PIGH: variants seen among roughly 807,000 people sequenced by gnomAD.
PIGH encodes the protein phosphatidylinositol glycan anchor biosynthesis class H, also known as phosphatidylinositol N-acetylglucosaminyltransferase subunit H.
A neutral mutation model predicts 20.1 loss-of-function variants in PIGH; 11 were observed. The ratio of observed to expected loss-of-function variants is 0.55; its 90% confidence interval spans 0.34 to 0.91. The LOEUF (loss-of-function observed/expected upper bound fraction) is 0.91, where lower values mean the gene tolerates loss of function less well. Among genes scored for constraint, PIGH ranks in the 40% least tolerant of loss-of-function variants. PIGH has a pLI of 0.02. For missense variants in PIGH, 189 were observed against 233.6 expected (o/e 0.81, Z 1.24); for synonymous variants, 72 against 93.1 (o/e 0.77, Z 1.31).
chr14:67,596,878 T>G (rs1397661318), intron 1 of PIGH, among the ~76,000 whole-genome samples: 1 of 152,224 alleles, frequency 6.6e-6, no homozygotes, highest in African/African-American at 2.4e-5. Flanking sequence ...CTGAGGAAAT[T>G]TGGAAGTCTA....
intron 3 of PIGH, among the ~76,000 whole-genome samples, chr14:67,590,872 G>A (rs1037092009): frequency 1.3e-5 from 2 of 152,152 alleles, no homozygotes; most frequent in Non-Finnish European, 2.9e-5. Context: ...GAATAAGCAA[G>A]AGGAAAAACA....
At chr14:67,593,980 A>G (rs2036424436) in intron 1 of PIGH, 28 bp from the exon 2 acceptor site, 2 of 1,480,062 alleles carry the variant, frequency 1.4e-6, no homozygotes, top group African/African-American at 2.8e-5. Context: ...CACAGACAGT[A>G]AGATTACCAA....
Position 67,600,224 on chromosome 14 carries a change from C to CGCACCGCGCGGCGCT in PIGH, c.-36_-22dup, listed in dbSNP as rs1202827244. The CGCACCGCGCGGCGCT allele has an allele frequency of 1.5e-5, 23 of 1,547,682 alleles. No individual in the cohort carries two copies. The highest frequency in any genetic ancestry group is 1.9e-5 in the Non-Finnish European group (22 of 1,148,448). ...TCCATGACGCCCCCACTCGGCCGCC[C>CGCACCGCGCGGCGCT]GCACCGCGCGGCGCTGCACTGCGCT... On this transcript the variant is annotated 5_prime_UTR_variant, in exon 1 of 4. Coordinates refer to ENST00000216452, the MANE Select transcript of PIGH (RefSeq NM_004569.5).
Position 67,593,749 on chromosome 14 carries a change from A to G in PIGH, c.384T>C (p.Ile128=). The change falls in exon 2 of 4, where the codon ATT becomes ATC. Residue 128 remains isoleucine, a synonymous_variant. Coordinates refer to ENST00000216452, the MANE Select transcript of PIGH (RefSeq NM_004569.5). ...KVKDIVINEA[I]YMQKVIYYLC... is the part of the protein sequence containing the mutation. ...TTACCTTTTAAATACTTACCATGTAAATGGCCTCATTGATGACAATATCCT... is the reference window on the plus strand; with the variant it reads ...TTACCTTTTAAATACTTACCATGTAGATGGCCTCATTGATGACAATATCCT... 1 of 1,600,540 alleles carries G rather than the reference A, an allele frequency of 6.2e-7. No individual in the cohort carries two copies. The highest frequency in any genetic ancestry group is 8.6e-7 in the Non-Finnish European group (1 of 1,167,736).
In PIGH at chr14:67,589,425, C is replaced by CTGAT. The variant is rs533957302; in HGVS notation, c.*651_*654dup. 378 of 985,002 alleles carry CTGAT rather than the reference C, an allele frequency of 3.8e-4. No individual in the cohort carries two copies. The highest frequency in any genetic ancestry group is 4.4e-4 in the Non-Finnish European group (368 of 829,832). 61.0% of individuals were successfully genotyped at this position (985,002 alleles called of 1,614,324 possible). On this transcript the variant is annotated 3_prime_UTR_variant, in exon 4 of 4. Coordinates refer to ENST00000216452, the MANE Select transcript of PIGH (RefSeq NM_004569.5). The stretch of plus-strand genomic sequence containing the variant: ...CTTCTTGGCAAAAGTAGCTTTTGAA[C>CTGAT]TGATATAAAAAAAAATGCTGAGTAA...
intron 3 of PIGH, 133 bp downstream of exon 3, chr14:67,592,502 C>T (rs1043780158): frequency 1.7e-6 from 1 of 602,650 alleles, no homozygotes. Context: ...AGGAACTTCT[C>T]AAATAACTGA....
intron 1 of PIGH, among the ~76,000 whole-genome samples, chr14:67,594,946 G>A (rs1309293608): frequency 1.3e-5 from 2 of 151,992 alleles, no homozygotes; most frequent in African/African-American, 4.8e-5. Context: ...TCAGGAGATC[G>A]AGACCACGGT....
chr14:67,594,980 A>G (rs1483698962), intron 1 of PIGH, among the ~76,000 whole-genome samples: 1 of 151,832 alleles, frequency 6.6e-6, no homozygotes, highest in African/African-American at 2.4e-5. Flanking sequence ...TACTAAAAAT[A>G]CTAAAAGTTA....
At chr14:67,594,977 A>T (rs1490819561) in intron 1 of PIGH, among the ~76,000 whole-genome samples, 1 of 151,858 alleles carries the variant, frequency 6.6e-6, no homozygotes, top group Non-Finnish European at 1.5e-5. Flanking sequence ...CTCTACTAAA[A>T]ATACTAAAAG....
chr14:67,596,748 A>C (rs1011799139), intron 1 of PIGH, among the ~76,000 whole-genome samples: 2 of 152,140 alleles, frequency 1.3e-5, no homozygotes, highest in Admixed American at 1.3e-4. Flanking sequence ...GAATCCTGTC[A>C]AGTCAATTTA....
At position 67,600,230 on chromosome 14, in the gene PIGH, G is replaced by A. The variant is rs771253728; in HGVS notation, c.-27C>T. 2 of 1,535,566 alleles carry A rather than the reference G, an allele frequency of 1.3e-6. No individual in the cohort carries two copies. The highest frequency in any genetic ancestry group is 1.8e-6 in the Non-Finnish European group (2 of 1,141,742). On this transcript the variant is annotated 5_prime_UTR_variant, in exon 1 of 4. Transcript: ENST00000216452. ...ACGCCCCCACTCGGCCGCCCGCACC[G>A]CGCGGCGCTGCACTGCGCTCGCCGG...
intron 3 of PIGH, chr14:67,592,176 T>C (rs1392877802): frequency 2.3e-5 from 5 of 218,772 alleles, no homozygotes; most frequent in Non-Finnish European, 4.8e-5. Context: ...GGCTCATGCT[T>C]GTAATCCCAA....
chr14:67,592,781 TTTTCC>T (rs1400541180), intron 2 of PIGH, 63 bp from the exon 3 acceptor site: 1 of 1,010,382 alleles, frequency 9.9e-7, no homozygotes, highest in East Asian at 2.5e-5. Context: ...CTTTTTTTCT[TTTTCC>T]TTTATTTATT....
chr14:67,595,415 A>G (rs1043256289), intron 1 of PIGH, among the ~76,000 whole-genome samples: 1 of 152,240 alleles, frequency 6.6e-6, no homozygotes, highest in African/African-American at 2.4e-5. Flanking sequence ...ATCTGTATAT[A>G]GTGCAAAATC....
At position 67,590,041 on chromosome 14, in the gene PIGH, T is replaced by G. The variant is rs1158213528; in HGVS notation, c.*39A>C. 1 of 1,536,568 alleles carries G rather than the reference T, an allele frequency of 6.5e-7. No homozygotes were observed. The highest frequency in any genetic ancestry group is 1.2e-5 in the South Asian group (1 of 82,278). On this transcript the variant is annotated 3_prime_UTR_variant, in exon 4 of 4. Transcript: ENST00000216452. ...CAGCCCCTATGGCTTAAGAGTCATC[T>G]CCCATGGAAGACAATGCTGGCCTTC...
rs1379316819 is a variant in PIGH at position 67,589,575 on chromosome 14, A to G, written c.*505T>C. 1.0e-6 allele frequency: 1 copy of G among 985,342 alleles called. No individual in the cohort carries two copies. Among genetic ancestry groups the G allele is most frequent in the African/African-American group, 1.7e-5 (1 of 57,258 alleles). 61.0% of individuals were successfully genotyped at this position (985,342 alleles called of 1,614,324 possible). A position where few individuals can be genotyped will look rare whatever the true frequency, so the allele number is the denominator to read the frequency against. ...GAAGATCTGTTTATTAACAGTAAATAAATAAGCCCTGTACAGAACACAGGC... is the reference window on the plus strand; with the variant it reads ...GAAGATCTGTTTATTAACAGTAAATGAATAAGCCCTGTACAGAACACAGGC... On this transcript the variant is annotated 3_prime_UTR_variant, in exon 4 of 4. Coordinates refer to ENST00000216452, the MANE Select transcript of PIGH (RefSeq NM_004569.5).
intron 1 of PIGH, among the ~76,000 whole-genome samples, chr14:67,596,868 C>A (rs1459567121): frequency 1.3e-5 from 2 of 152,226 alleles, no homozygotes; most frequent in African/African-American, 4.8e-5. Flanking sequence ...ATATTCGGAA[C>A]TGAGGAAATT....
At chr14:67,599,977 G>GCCA (rs1207377162) in intron 1 of PIGH, 47 bp downstream of exon 1, 1 of 1,494,220 alleles carries the variant, frequency 6.7e-7, no homozygotes, top group South Asian at 1.3e-5. Flanking sequence ...CCCTCCCAAA[G>GCCA]CCGAACCCCC....
At position 67,592,616 on chromosome 14, in the gene PIGH, A is replaced by G. The variant is rs2036394244; in HGVS notation, c.474+19T>C. ...GGTTGAGGAGTAATTGGAGAATGGT[A>G]AAAGTATTCTATGCTCACCTGGAAG... On this transcript the variant is annotated intron_variant, in intron 3 of 3. Coordinates refer to ENST00000216452, the MANE Select transcript of PIGH (RefSeq NM_004569.5). The G allele has an allele frequency of 2.0e-6, 3 of 1,479,550 alleles. No individual in the cohort carries two copies. The highest frequency in any genetic ancestry group is 2.8e-6 in the Non-Finnish European group (3 of 1,060,276). The allele number at this position is 1,479,550 out of a possible 1,614,324, so 91.7% of individuals were successfully genotyped here.
Sources: allele counts gnomAD v4.1 joint callset (sites outside exome capture counted in the v4.1 genomes callset), GRCh38; gene constraint gnomAD v4.1.1; transcripts MANE v1.5; gene names NCBI Gene and HGNC (gene_info 2026-07-23, HGNC 2026-07-21).